MYO18A: variants seen among roughly 807,000 people sequenced by gnomAD.
The protein encoded by MYO18A is myosin XVIIIA.
A neutral mutation model predicts 235.8 loss-of-function variants in MYO18A; 78 were observed. That is an observed-to-expected ratio of 0.33 (90% CI 0.28 to 0.40). MYO18A has a LOEUF of 0.40. Ranked by LOEUF, MYO18A falls within the 10% of genes least tolerant of loss-of-function variation. The pLI, the probability that MYO18A is intolerant of heterozygous loss-of-function variation, is 1.00. For missense variants in MYO18A, 2,215 were observed against 2,699.3 expected (o/e 0.82, Z 3.98); for synonymous variants, 977 against 1,077.8 (o/e 0.91, Z 1.83).
Position 29,111,542 on chromosome 17 carries a change from G to C in MYO18A, c.2782C>G (p.Leu928Val). Residue 928 changes from leucine to valine, a missense_variant, in exon 17 of 42, where the codon CTC (leucine) becomes GTC (valine). Leu to Val is a conservative substitution (Grantham distance 32). Coordinates refer to ENST00000527372, the MANE Select transcript of MYO18A (RefSeq NM_078471.4). This position sits in a 1 kb window ranked among gnomAD's most constrained non-coding sequence, Gnocchi z 5.1. Reference sequence around the variant, plus strand: ...TTGGTGCCATGGCTGTGGCCCAGGAGAAAGTGGTGTGGTTTGCTGCTGTGC... The same window carrying C: ...TTGGTGCCATGGCTGTGGCCCAGGACAAAGTGGTGTGGTTTGCTGCTGTGC... ...LLHSSKPHHFLLGHSHGTNWV... is the reference protein window; with the variant it reads ...LLHSSKPHHFVLGHSHGTNWV... 1 of 1,613,872 alleles carries C rather than the reference G, an allele frequency of 6.2e-7. No individual in the cohort carries two copies. Among genetic ancestry groups the C allele is most frequent in the African/African-American group, 1.3e-5 (1 of 75,026 alleles).
Position 29,118,135 on chromosome 17 carries a change from T to C in MYO18A, c.1948A>G (p.Lys650Glu). ...TCATCGGGGGAGATGCCCAGCACCT[T>C]CATGGCCGCCTGCAGCTTACTAAAC... ...QQFSKLQAAM[K>E]VLGISPDEQK... The change falls in exon 10 of 42, where the codon AAG becomes GAG. Residue 650 changes from lysine (K) to glutamate (E), a missense_variant. By Grantham distance (56) the Lys-to-Glu change is moderately conservative. Coordinates refer to ENST00000527372, the MANE Select transcript of MYO18A (RefSeq NM_078471.4). This position sits in a 1 kb window ranked among gnomAD's most constrained non-coding sequence, Gnocchi z 4.2. 1 of 1,596,628 alleles carries C rather than the reference T, an allele frequency of 6.3e-7. No homozygotes were observed.
chr17:29,153,970 T>C (rs2068008973), intron 2 of MYO18A, among the ~76,000 whole-genome samples: 1 of 152,154 alleles, frequency 6.6e-6, no homozygotes, highest in South Asian at 2.1e-4. Flanking sequence ...CTGATTCCCC[T>C]ACCCCAGAGA....
intron 39 of MYO18A, 83 bp downstream of exon 39, chr17:29,086,355 C>CTGT: frequency 6.7e-7 from 1 of 1,484,000 alleles, no homozygotes; most frequent in Non-Finnish European, 9.1e-7. Context: ...GAGGTTGCAA[C>CTGT]TGTTCTACCT....
intron 1 of MYO18A, among the ~76,000 whole-genome samples, chr17:29,175,989 C>T (rs1427640958): frequency 6.6e-6 from 1 of 152,094 alleles, no homozygotes; most frequent in African/African-American, 2.4e-5. Flanking sequence ...ACCCCGGAGG[C>T]GGAGGTTGCA....
chr17:29,151,615 C>A (rs1040189770), intron 2 of MYO18A, among the ~76,000 whole-genome samples: 1 of 152,196 alleles, frequency 6.6e-6, no homozygotes, highest in African/African-American at 2.4e-5. Flanking sequence ...TACTCCCACC[C>A]CAAGGCGTCC....
At chr17:29,104,068 T>C (rs2066721611) in intron 20 of MYO18A, among the ~76,000 whole-genome samples, 2 of 152,006 alleles carry the variant, frequency 1.3e-5, no homozygotes, top group Admixed American at 1.3e-4. Flanking sequence ...CTGAGGAAAC[T>C]CCAAGTCACT....
intron 2 of MYO18A, among the ~76,000 whole-genome samples, chr17:29,141,920 C>G (rs2067747232): frequency 6.6e-6 from 1 of 152,236 alleles, no homozygotes; most frequent in Non-Finnish European, 1.5e-5. Flanking sequence ...GGTCTGGGAG[C>G]AGGGGCCTGG....
intron 2 of MYO18A, among the ~76,000 whole-genome samples, chr17:29,164,532 G>A (rs2068240114): frequency 6.6e-6 from 1 of 152,186 alleles, no homozygotes; most frequent in African/African-American, 2.4e-5. Flanking sequence ...AGAAAGCTGG[G>A]ACCGGGACTC....
rs2066486561 is a variant in MYO18A at position 29,094,984 on chromosome 17, C to T, written c.4461G>A (p.Glu1487=). 3 of 1,600,738 alleles carry T rather than the reference C, an allele frequency of 1.9e-6. No individual in the cohort carries two copies. The highest frequency in any genetic ancestry group is 2.7e-5 in the African/African-American group (2 of 74,656). Reference sequence around the variant, plus strand: ...AAGCCTCAGCGAGGAGCATGTCCTTCTCCCGCTGCAGCTTCTCCCGCTGCA... The same window carrying T: ...AAGCCTCAGCGAGGAGCATGTCCTTTTCCCGCTGCAGCTTCTCCCGCTGCA... ...EKLQREKLQR[E]KDMLLAEAFS... The change falls in exon 29 of 42, where the codon GAG becomes GAA. Residue 1487 remains glutamate, a synonymous_variant. Coordinates refer to ENST00000527372, the MANE Select transcript of MYO18A (RefSeq NM_078471.4).
At chr17:29,103,245 C>G (rs1263043109) in intron 21 of MYO18A, among the ~76,000 whole-genome samples, 9 of 152,258 alleles carry the variant, frequency 5.9e-5, no homozygotes, top group Admixed American at 4.6e-4. Context: ...AGCCCACATC[C>G]TCTGGGTCCA....
intron 31 of MYO18A, 132 bp from the exon 32 acceptor site, chr17:29,093,559 G>T: frequency 4.3e-6 from 3 of 694,724 alleles, no homozygotes; most frequent in South Asian, 1.7e-5. Flanking sequence ...TGGTGGAGGG[G>T]TCAGAACCTA....
intron 2 of MYO18A, chr17:29,124,642 G>A (rs1567614087): frequency 3.9e-6 from 5 of 1,281,796 alleles, no homozygotes; most frequent in Middle Eastern, 2.2e-4. Flanking sequence ...AGTGGGGGGA[G>A]AGCACCCTAC....
intron 2 of MYO18A, among the ~76,000 whole-genome samples, chr17:29,151,227 C>G (rs1433975970): frequency 7.2e-5 from 11 of 152,090 alleles, no homozygotes; most frequent in Admixed American, 7.2e-4. Context: ...GAGCAAGACC[C>G]CGTCTCAGAA....
At chr17:29,084,196 G>T (rs1405923697) in intron 40 of MYO18A, among the ~76,000 whole-genome samples, 1 of 152,102 alleles carries the variant, frequency 6.6e-6, no homozygotes, top group African/African-American at 2.4e-5. Flanking sequence ...GTGAGTGTGT[G>T]TGCATGCGTG....
intron 10 of MYO18A, among the ~76,000 whole-genome samples, chr17:29,116,835 G>C (rs1797665452): frequency 6.7e-6 from 1 of 150,220 alleles, no homozygotes; most frequent in South Asian, 2.1e-4. Flanking sequence ...CTTGCAGTTG[G>C]GGCTGGGTAG....
In MYO18A at chr17:29,117,448, G is replaced by C. The variant is rs1230609917; in HGVS notation, c.2038+597C>G. 6.6e-6 allele frequency among the ~76,000 whole-genome samples: 1 copy of C among 152,094 alleles called. No individual in the cohort carries two copies. The highest frequency in any genetic ancestry group is 1.5e-5 in the Non-Finnish European group (1 of 68,002). The stretch of plus-strand genomic sequence containing the variant: ...GCAAGCCCACCCTACCCCACCCCAC[G>C]GTGGGCATCCTGAGAGGTTCCAGGA... On this transcript the variant is annotated intron_variant, in intron 10 of 41. Transcript: ENST00000527372. The surrounding 1 kb of genome is among the most constrained non-coding windows in gnomAD (Gnocchi z 4.6).
chr17:29,090,471 T>A (rs991905812), intron 36 of MYO18A, 61 bp downstream of exon 36: 1 of 1,450,032 alleles, frequency 6.9e-7, no homozygotes, highest in Non-Finnish European at 9.5e-7. Context: ...AACTTGGGGG[T>A]TCCTCCCACA....
In MYO18A at chr17:29,125,425, G is replaced by A. The variant is rs2067298382; in HGVS notation, c.1000-3172C>T. ...CTGTGGGCAAACCCTGTGGCCAGCCGTGACCTCTCTGGTTACTTAAAGCCC... is the reference window on the plus strand; with the variant it reads ...CTGTGGGCAAACCCTGTGGCCAGCCATGACCTCTCTGGTTACTTAAAGCCC... On this transcript the variant is annotated intron_variant, in intron 2 of 41. Transcript: ENST00000527372. This position sits in a 1 kb window ranked among gnomAD's most constrained non-coding sequence, Gnocchi z 5.1. 1.3e-5 allele frequency among the ~76,000 whole-genome samples: 2 copies of A among 152,232 alleles called. No individual in the cohort carries two copies.
intron 34 of MYO18A, chr17:29,091,930 C>T (rs1364457054): frequency 9.2e-6 from 3 of 326,518 alleles, no homozygotes; most frequent in South Asian, 2.5e-5. Context: ...AATTAGCTGC[C>T]GCTTGGGCTT....
Sources: gnomAD v4.1 joint callset for allele counts (sites outside exome capture counted in the v4.1 genomes callset) on GRCh38, gnomAD v4.1.1 for gene constraint, Gnocchi (gnomAD v3.1) non-coding constraint, MANE v1.5 for transcripts, NCBI Gene and HGNC (gene_info 2026-07-23, HGNC 2026-07-21) for gene names.